ERBB4: variants seen among roughly 807,000 people sequenced by gnomAD.
ERBB4 encodes the protein receptor tyrosine-protein kinase erbB-4.
A neutral mutation model predicts 158.0 loss-of-function variants in ERBB4; 42 were observed. That is an observed-to-expected ratio of 0.27 (90% CI 0.21 to 0.34). The LOEUF is 0.34. Among genes scored for constraint, ERBB4 ranks in the 10% least tolerant of loss-of-function variants. The pLI is 1.00. For synonymous variants in ERBB4, 583 were observed against 558.7 expected (o/e 1.04, Z -0.61); for missense variants, 1,333 against 1,624.1 (o/e 0.82, Z 3.08).
intron 20 of ERBB4, among the ~76,000 whole-genome samples, chr2:211,438,971 G>A (rs2063914966): frequency 6.7e-6 from 1 of 148,376 alleles, no homozygotes; most frequent in Non-Finnish European, 1.5e-5. Flanking sequence ...TTCACAGATA[G>A]TCCCAATAAT....
chr2:212,293,850 AAAAAAAAAC>A (rs1202610569), intron 1 of ERBB4, among the ~76,000 whole-genome samples: 3 of 117,172 alleles, frequency 2.6e-5, no homozygotes, highest in African/African-American at 6.1e-5. Flanking sequence ...TCTGTCTCAA[AAAAAAAAAC>A]AAAAAAAAAA....
At chr2:212,100,702 C>T (rs1032395360) in intron 2 of ERBB4, among the ~76,000 whole-genome samples, 16 of 152,202 alleles carry the variant, frequency 1.1e-4, no homozygotes, top group African/African-American at 1.9e-4. Flanking sequence ...ATGAAATAAA[C>T]GAAGTGACTA....
chr2:211,896,822 A>AT, intron 3 of ERBB4, among the ~76,000 whole-genome samples: 1 of 152,142 alleles, frequency 6.6e-6, no homozygotes, highest in East Asian at 1.9e-4. Flanking sequence ...TTGAAAAGCT[A>AT]TTTTTTAACA....
chr2:211,676,347 G>A (rs1014722092), intron 13 of ERBB4, among the ~76,000 whole-genome samples: 1 of 152,172 alleles, frequency 6.6e-6, no homozygotes, highest in Non-Finnish European at 1.5e-5. Flanking sequence ...TAATTTAACA[G>A]ATTTGATTTT....
At chr2:211,701,929 A>C in intron 12 of ERBB4, 38 bp downstream of exon 12, 1 of 1,484,212 alleles carries the variant, frequency 6.7e-7, no homozygotes. Flanking sequence ...GAAAAAATTT[A>C]AGTTTCTATG....
At chr2:212,131,863 T>C (rs2080116760) in intron 1 of ERBB4, among the ~76,000 whole-genome samples, 2 of 152,154 alleles carry the variant, frequency 1.3e-5, no homozygotes, top group South Asian at 4.1e-4. Context: ...CCAACTGAGG[T>C]GCTTGCTGAA....
chr2:212,531,761 G>T (rs908105608), intron 1 of ERBB4, among the ~76,000 whole-genome samples: 11 of 152,086 alleles, frequency 7.2e-5, no homozygotes, highest in Non-Finnish European at 1.5e-5. Flanking sequence ...ACTCTTAAAA[G>T]TGCTATTATA....
At position 212,142,625 on chromosome 2, in the gene ERBB4, T is replaced by A. The variant is rs190628518; in HGVS notation, c.83-17722A>T. ...ATAATATTAAAATATATATATAATA[T>A]ATATAAATATTATCCTCAATTATAT... On this transcript the variant is annotated intron_variant, in intron 1 of 27. Coordinates refer to ENST00000342788, the MANE Select transcript of ERBB4 (RefSeq NM_005235.3). Among the ~76,000 whole-genome samples, 825 of 147,858 alleles carry A rather than the reference T, an allele frequency of 5.6e-3. 3 individuals carry two copies. Among genetic ancestry groups the A allele is most frequent in the Non-Finnish European group, 9.5e-3 (638 of 67,170 alleles).
chr2:212,229,847 C>T (rs1574479379), intron 1 of ERBB4, among the ~76,000 whole-genome samples: 2 of 152,156 alleles, frequency 1.3e-5, no homozygotes, highest in East Asian at 1.9e-4. Context: ...ATTTTCCTGA[C>T]TCATGCCATT....
At chr2:211,683,241 A>T (rs1419314322) in intron 12 of ERBB4, among the ~76,000 whole-genome samples, 3 of 152,142 alleles carry the variant, frequency 2.0e-5, no homozygotes, top group African/African-American at 7.2e-5. Context: ...ACAACCGGAC[A>T]TTGGCATTGA....
chr2:212,031,154 T>C (rs1341825146), intron 2 of ERBB4, among the ~76,000 whole-genome samples: 1 of 152,132 alleles, frequency 6.6e-6, no homozygotes, highest in African/African-American at 2.4e-5. Flanking sequence ...TAAAATATCA[T>C]CTCTTCACTA....
At chr2:211,626,504 T>C (rs1208984785) in intron 17 of ERBB4, among the ~76,000 whole-genome samples, 3 of 152,196 alleles carry the variant, frequency 2.0e-5, no homozygotes, top group Middle Eastern at 3.2e-3. Context: ...TTTATTTAGA[T>C]GGTGGTAGAA....
At chr2:211,468,599 C>G (rs1345771946) in intron 20 of ERBB4, among the ~76,000 whole-genome samples, 1 of 152,064 alleles carries the variant, frequency 6.6e-6, no homozygotes, top group Non-Finnish European at 1.5e-5. Flanking sequence ...CCCCCCAAGT[C>G]TACATACACC....
intron 2 of ERBB4, among the ~76,000 whole-genome samples, chr2:211,995,810 G>A (rs974581929): frequency 2.0e-5 from 3 of 152,132 alleles, no homozygotes; most frequent in African/African-American, 7.2e-5. Flanking sequence ...TCCAGCTGCT[G>A]AGGCTGGAAT....
chr2:212,006,729 G>T (rs1411443272), intron 2 of ERBB4, among the ~76,000 whole-genome samples: 1 of 151,954 alleles, frequency 6.6e-6, no homozygotes, highest in Non-Finnish European at 1.5e-5. Context: ...TCTATAGATT[G>T]TCTGGCAAAG....
chr2:211,736,877 T>C (rs1575072930), intron 5 of ERBB4, among the ~76,000 whole-genome samples: 1 of 152,130 alleles, frequency 6.6e-6, no homozygotes, highest in African/African-American at 2.4e-5. Flanking sequence ...GAAAATAATA[T>C]AATCTATAGA....
At chr2:211,964,941 A>C (rs889900696) in intron 2 of ERBB4, among the ~76,000 whole-genome samples, 9 of 152,164 alleles carry the variant, frequency 5.9e-5, no homozygotes, top group African/African-American at 2.2e-4. Flanking sequence ...TTTTTTACTT[A>C]GAATATAAAA....
intron 20 of ERBB4, among the ~76,000 whole-genome samples, chr2:211,561,424 T>C (rs2067388901): frequency 6.6e-6 from 1 of 152,140 alleles, no homozygotes; most frequent in African/African-American, 2.4e-5. Flanking sequence ...AGACTAAAAC[T>C]CTCAACCATT....
At chr2:211,716,969 C>A (rs2073939335) in intron 7 of ERBB4, among the ~76,000 whole-genome samples, 1 of 152,172 alleles carries the variant, frequency 6.6e-6, no homozygotes, top group Admixed American at 6.5e-5. Flanking sequence ...CCACTTACTA[C>A]AGTTTGGAGT....
Sources: allele counts gnomAD v4.1 joint callset (sites outside exome capture counted in the v4.1 genomes callset), GRCh38; gene constraint gnomAD v4.1.1; transcripts MANE v1.5; gene names NCBI Gene and HGNC (gene_info 2026-07-23, HGNC 2026-07-21).